AMBRA1: variants seen among roughly 807,000 people sequenced by gnomAD.
AMBRA1 encodes the protein activating molecule in BECN1-regulated autophagy protein 1.
Under a neutral mutation model 125.4 loss-of-function variants are expected in AMBRA1, and 47 were observed. The observed-to-expected ratio is 0.37, with a 90% CI of 0.30 to 0.48. The LOEUF is 0.48. Ranked by LOEUF, AMBRA1 falls within the 20% of genes least tolerant of loss-of-function variation. The pLI is 0.99. For synonymous variants in AMBRA1, 626 were observed against 655.5 expected, an observed-to-expected ratio of 0.95 and a Z score of 0.69; for missense variants, 1,331 against 1,693.4, an observed-to-expected ratio of 0.79 and a Z score of 3.76.
At chr11:46,521,184 C>A (rs528134023) in intron 7 of AMBRA1, among the ~76,000 whole-genome samples, 1 of 152,356 alleles carries the variant, frequency 6.6e-6, no homozygotes, top group South Asian at 2.1e-4. Context: ...AAACCTCACA[C>A]TAAAACTCCT....
chr11:46,495,473 T>C (rs1486201524), intron 9 of AMBRA1: 1 of 152,246 alleles, frequency 6.6e-6, no homozygotes, highest in Non-Finnish European at 1.5e-5. Context: ...AGCTGATCCA[T>C]TGAAAGTATT....
chr11:46,540,940 A>G (rs1213005050), intron 7 of AMBRA1, among the ~76,000 whole-genome samples: 1 of 152,228 alleles, frequency 6.6e-6, no homozygotes, highest in Non-Finnish European at 1.5e-5. Flanking sequence ...TGACTGAGTG[A>G]CTGTCTAAAG....
At chr11:46,585,194 T>C (rs60534052) in intron 1 of AMBRA1, among the ~76,000 whole-genome samples, 1,965 of 152,058 alleles carry the variant, frequency 0.013, 45 homozygotes, top group African/African-American at 0.045. Flanking sequence ...ATCTCAAGTA[T>C]CCAGGGACAC....
rs183659064 is a variant in AMBRA1, at chr11:46,469,307, T to C, written c.2521+24301A>G. Among the ~76,000 whole-genome samples, 634 of 152,312 alleles carry C rather than the reference T, an allele frequency of 4.2e-3. 2 individuals carry two copies. Among genetic ancestry groups the C allele is most frequent in the African/African-American group, 0.013 (533 of 41,562 alleles). ...TCCTCCAAAATGAAATCATTGTTTT[T>C]ATAACAGAATTTTTTATTTCTCTGA... On this transcript the variant is annotated intron_variant, in intron 11 of 17. Transcript: ENST00000683756.
intron 11 of AMBRA1, among the ~76,000 whole-genome samples, chr11:46,461,014 G>A (rs1050896778): frequency 8.5e-5 from 13 of 152,304 alleles, no homozygotes; most frequent in South Asian, 2.1e-4. Context: ...AGGCTGAGGC[G>A]GGAGGACCCC....
chr11:46,424,664 T>G (rs1472067113), intron 14 of AMBRA1, among the ~76,000 whole-genome samples: 1 of 151,836 alleles, frequency 6.6e-6, no homozygotes, highest in African/African-American at 2.4e-5. Context: ...CTAGCTGACA[T>G]AGCAGGATCT....
At chr11:46,548,535 T>A (rs1033859296) in intron 1 of AMBRA1, 35 bp from the exon 2 acceptor site, 12 of 871,246 alleles carry the variant, frequency 1.4e-5, no homozygotes, top group Non-Finnish European at 2.0e-5. Flanking sequence ...AAGAACGACT[T>A]CTGCAACGAG....
At chr11:46,418,117 C>A (rs935737575) in intron 14 of AMBRA1, 65 bp from the exon 15 acceptor site, 1 of 1,447,328 alleles carries the variant, frequency 6.9e-7, no homozygotes. Context: ...CCAAGAATAA[C>A]AAAATCCAGG....
intron 12 of AMBRA1, among the ~76,000 whole-genome samples, chr11:46,440,300 T>C (rs557895100): frequency 2.2e-4 from 34 of 152,246 alleles, no homozygotes; most frequent in Non-Finnish European, 1.9e-4. Context: ...TGAGCTATAC[T>C]GTAAAGAAAA....
chr11:46,583,308 C>G (rs1330298962), intron 1 of AMBRA1, among the ~76,000 whole-genome samples: 3 of 151,556 alleles, frequency 2.0e-5, no homozygotes, highest in African/African-American at 7.3e-5. Context: ...ATGTAGAAAG[C>G]TGAAACTGGA....
intron 12 of AMBRA1, among the ~76,000 whole-genome samples, chr11:46,438,052 G>A (rs1947814164): frequency 1.3e-5 from 2 of 152,140 alleles, no homozygotes; most frequent in Admixed American, 1.3e-4. Context: ...GACTACACCT[G>A]AGAAATGCGA....
At chr11:46,585,319 T>C (rs913200559) in intron 1 of AMBRA1, among the ~76,000 whole-genome samples, 21 of 150,730 alleles carry the variant, frequency 1.4e-4, no homozygotes, top group Non-Finnish European at 1.3e-4. Context: ...CAAATCCCCC[T>C]CTGCGAGAAA....
At chr11:46,442,392 C>T (rs1948063985) in intron 12 of AMBRA1, among the ~76,000 whole-genome samples, 1 of 152,054 alleles carries the variant, frequency 6.6e-6, no homozygotes, top group Non-Finnish European at 1.5e-5. Context: ...ATCCTCCCAA[C>T]TCAGCCTCCT....
At chr11:46,434,811 C>G in intron 13 of AMBRA1, 38 bp downstream of exon 13, 1 of 1,538,658 alleles carries the variant, frequency 6.5e-7, no homozygotes, top group Non-Finnish European at 8.7e-7. Flanking sequence ...AAGGCACCAG[C>G]GTCCCTCTGT....
chr11:46,565,006 C>T (rs989833381), intron 1 of AMBRA1, among the ~76,000 whole-genome samples: 2 of 152,116 alleles, frequency 1.3e-5, no homozygotes, highest in South Asian at 2.1e-4. Context: ...CCTGTAATCC[C>T]ACCACTTTAG....
At chr11:46,514,640 GA>G (rs1272433321) in intron 7 of AMBRA1, among the ~76,000 whole-genome samples, 5 of 151,690 alleles carry the variant, frequency 3.3e-5, no homozygotes, top group South Asian at 2.1e-4. Context: ...TAATTGGCAG[GA>G]TTTTTTTTTT....
intron 17 of AMBRA1, among the ~76,000 whole-genome samples, chr11:46,407,911 G>T (rs1237951318): frequency 6.6e-6 from 1 of 152,186 alleles, no homozygotes; most frequent in Non-Finnish European, 1.5e-5. Flanking sequence ...AGCTGCTGAC[G>T]GACTCCTAAG....
chr11:46,427,864 C>T (rs1247539219), intron 14 of AMBRA1, among the ~76,000 whole-genome samples: 1 of 151,914 alleles, frequency 6.6e-6, no homozygotes, highest in East Asian at 1.9e-4. Context: ...CAAAAATTAG[C>T]CGGGAGTGGT....
chr11:46,555,233 A>G (rs1385564275), intron 1 of AMBRA1, among the ~76,000 whole-genome samples: 2 of 152,228 alleles, frequency 1.3e-5, no homozygotes. Context: ...AGACAATTAT[A>G]TTTAACAACT....
Sources: gnomAD v4.1 joint callset for allele counts (sites outside exome capture counted in the v4.1 genomes callset) on GRCh38, gnomAD v4.1.1 for gene constraint, MANE v1.5 for transcripts, NCBI Gene and HGNC (gene_info 2026-07-23, HGNC 2026-07-21) for gene names.